KCNK10: variants seen among roughly 807,000 people sequenced by gnomAD.
The protein encoded by KCNK10 is potassium two pore domain channel subfamily K member 10, also known as potassium channel subfamily K member 10.
KCNK10 carries 25 observed loss-of-function variants against 47.7 expected under a neutral mutation model. That is an observed-to-expected ratio of 0.52 (90% CI 0.38 to 0.73). The LOEUF is 0.73. Ranked by LOEUF, KCNK10 falls within the 30% of genes least tolerant of loss-of-function variation. The pLI is 0.00. For synonymous variants in KCNK10, 303 were observed against 285.6 expected (o/e 1.06, Z -0.61); for missense variants, 563 against 714.5 (o/e 0.79, Z 2.42).
intron 2 of KCNK10, among the ~76,000 whole-genome samples, chr14:88,259,402 C>T (rs1333889889): frequency 2.0e-5 from 3 of 152,188 alleles, no homozygotes; most frequent in Non-Finnish European, 2.9e-5. Flanking sequence ...AGGACTGATG[C>T]TCAATGTGCA....
intron 2 of KCNK10, among the ~76,000 whole-genome samples, chr14:88,241,178 G>C (rs145711120): frequency 6.6e-6 from 1 of 152,188 alleles, no homozygotes; most frequent in Non-Finnish European, 1.5e-5. Context: ...GGGCATTTCC[G>C]CAAGGCAGGA....
intron 4 of KCNK10, among the ~76,000 whole-genome samples, chr14:88,197,014 A>C (rs1461376471): frequency 1.3e-5 from 2 of 152,204 alleles, no homozygotes; most frequent in African/African-American, 4.8e-5. Context: ...CATCAGTGAG[A>C]ATAGTGAAGT....
intron 1 of KCNK10, among the ~76,000 whole-genome samples, chr14:88,268,193 G>A (rs1395177917): frequency 6.6e-6 from 1 of 152,200 alleles, no homozygotes; most frequent in Non-Finnish European, 1.5e-5. Context: ...CCATCAAGGA[G>A]TTCTTGAGCT....
At chr14:88,215,649 T>C (rs1196032303) in intron 4 of KCNK10, among the ~76,000 whole-genome samples, 3 of 152,100 alleles carry the variant, frequency 2.0e-5, no homozygotes, top group Admixed American at 2.0e-4. Context: ...CCTACAAAGG[T>C]TCTGGCATGC....
intron 1 of KCNK10, among the ~76,000 whole-genome samples, chr14:88,318,678 A>G (rs1888478822): frequency 1.3e-5 from 2 of 152,204 alleles, no homozygotes. Flanking sequence ...AATGAAAGGA[A>G]GCCAACTGGC....
At chr14:88,282,830 A>G (rs1326967735) in intron 1 of KCNK10, among the ~76,000 whole-genome samples, 1 of 152,216 alleles carries the variant, frequency 6.6e-6, no homozygotes, top group Non-Finnish European at 1.5e-5. Flanking sequence ...AAGCTCTCCC[A>G]TGCACAAAAA....
At chr14:88,275,693 C>CAA (rs71126972) in intron 1 of KCNK10, among the ~76,000 whole-genome samples, 3,678 of 71,866 alleles carry the variant, frequency 0.051, 230 homozygotes, top group African/African-American at 0.18. Context: ...GCTAAAAATA[C>CAA]AAAAAAAAAA....
chr14:88,198,730 C>A (rs1173787715), intron 4 of KCNK10, among the ~76,000 whole-genome samples: 1 of 152,072 alleles, frequency 6.6e-6, no homozygotes, highest in Non-Finnish European at 1.5e-5. Context: ...AACTGTTAAC[C>A]CAGCCCCTTC....
intron 4 of KCNK10, among the ~76,000 whole-genome samples, chr14:88,206,139 C>T (rs374516334): frequency 6.6e-6 from 1 of 152,060 alleles, no homozygotes; most frequent in East Asian, 1.9e-4. Flanking sequence ...GCCATTTTCA[C>T]GAGAATAGAA....
intron 1 of KCNK10, among the ~76,000 whole-genome samples, chr14:88,296,769 C>A (rs11623975): frequency 6.6e-6 from 1 of 152,016 alleles, no homozygotes; most frequent in African/African-American, 2.4e-5. Flanking sequence ...TCCTAGTGTC[C>A]CTGGACCAAC....
At chr14:88,207,401 C>T (rs1259164105) in intron 4 of KCNK10, among the ~76,000 whole-genome samples, 1 of 152,116 alleles carries the variant, frequency 6.6e-6, no homozygotes, top group Non-Finnish European at 1.5e-5. Flanking sequence ...GTCTCGATCT[C>T]CTGACCTCAT....
chr14:88,283,955 G>A (rs182800962), intron 1 of KCNK10, among the ~76,000 whole-genome samples: 1 of 152,016 alleles, frequency 6.6e-6, no homozygotes, highest in Admixed American at 6.6e-5. Flanking sequence ...TACTGCTCTT[G>A]GATATTGTAT....
At chr14:88,320,578 T>C (rs1369706598) in intron 1 of KCNK10, among the ~76,000 whole-genome samples, 1 of 152,132 alleles carries the variant, frequency 6.6e-6, no homozygotes, top group Non-Finnish European at 1.5e-5. Context: ...CTCATGAGCT[T>C]TCCTTCAAGA....
intron 1 of KCNK10, among the ~76,000 whole-genome samples, chr14:88,266,306 T>A (rs1185395853): frequency 6.6e-6 from 1 of 152,202 alleles, no homozygotes; most frequent in Non-Finnish European, 1.5e-5. Flanking sequence ...AACACAGCAG[T>A]GCTCTGTTCA....
chr14:88,243,780 CA>C, intron 2 of KCNK10, among the ~76,000 whole-genome samples: 1 of 151,110 alleles, frequency 6.6e-6, no homozygotes, highest in East Asian at 1.9e-4. Context: ...AATAAAGCGA[CA>C]AAAAGGGGTG....
intron 1 of KCNK10, among the ~76,000 whole-genome samples, chr14:88,290,674 T>C (rs1887856758): frequency 6.6e-6 from 1 of 152,196 alleles, no homozygotes; most frequent in South Asian, 2.1e-4. Context: ...GGAACGAGAC[T>C]GACGTTCTAA....
At chr14:88,199,593 C>T (rs1269244671) in intron 4 of KCNK10, among the ~76,000 whole-genome samples, 1 of 152,292 alleles carries the variant, frequency 6.6e-6, no homozygotes, top group Non-Finnish European at 1.5e-5. Context: ...CCCCTTGCCT[C>T]GCTGGCTCCT....
upstream of KCNK10, among the ~76,000 whole-genome samples, chr14:88,326,009 C>T (rs1316525594): frequency 6.6e-6 from 1 of 151,996 alleles, no homozygotes; most frequent in Admixed American, 6.6e-5. Context: ...GTGTCTAGTG[C>T]TCCTGGTCTG....
At chr14:88,232,198 G>C (rs991063761) in intron 3 of KCNK10, among the ~76,000 whole-genome samples, 82 of 152,232 alleles carry the variant, frequency 5.4e-4, no homozygotes, top group African/African-American at 1.9e-3. Context: ...AGTGTGAATA[G>C]TGGATCCAAT....
Sources: allele counts gnomAD v4.1 joint callset (sites outside exome capture counted in the v4.1 genomes callset), GRCh38; gene constraint gnomAD v4.1.1; transcripts MANE v1.5; gene names NCBI Gene and HGNC (gene_info 2026-07-23, HGNC 2026-07-21).